UNC13C: variants seen among roughly 807,000 people sequenced by gnomAD.
UNC13C encodes unc-13 homolog C.
A neutral mutation model predicts 245.4 loss-of-function variants in UNC13C; 174 were observed. That is an observed-to-expected ratio of 0.71 (90% CI 0.63 to 0.80). The LOEUF (loss-of-function observed/expected upper bound fraction) is 0.80, where lower values mean the gene tolerates loss of function less well. Ranked by LOEUF, UNC13C falls within the 30% of genes least tolerant of loss-of-function variation. The probability of loss-of-function intolerance (pLI) is 0.00; values close to 1 mark genes in which losing one functional copy is unlikely to be tolerated. For missense variants in UNC13C, 2,829 were observed against 2,602.9 expected, an observed-to-expected ratio of 1.09 and a Z score of -1.89; for synonymous variants, 992 against 895.1, an observed-to-expected ratio of 1.11 and a Z score of -1.93.
chr15:54,036,441 C>G (rs77477085), intron 2 of UNC13C, among the ~76,000 whole-genome samples: 1,630 of 152,252 alleles, frequency 0.011, 10 homozygotes, highest in South Asian at 0.027. Context: ...TATGCATTTC[C>G]TAAAGCCATT....
At chr15:54,295,476 C>A (rs957871199) in intron 11 of UNC13C, among the ~76,000 whole-genome samples, 2 of 151,878 alleles carry the variant, frequency 1.3e-5, no homozygotes, top group African/African-American at 4.8e-5. Context: ...TAGTGAGACC[C>A]ATCTCTACCA....
chr15:54,423,694 G>C (rs1460188848), intron 19 of UNC13C, among the ~76,000 whole-genome samples: 1 of 151,740 alleles, frequency 6.6e-6, no homozygotes, highest in African/African-American at 2.4e-5. Context: ...AAATAAAGTT[G>C]GTATTGGCTG....
intron 18 of UNC13C, among the ~76,000 whole-genome samples, chr15:54,396,789 T>C (rs2040078226): frequency 6.6e-6 from 1 of 151,446 alleles, no homozygotes; most frequent in Admixed American, 6.6e-5. Flanking sequence ...ACTGACCATA[T>C]TTTTATCTGA....
chr15:54,186,517 G>A (rs936747440), intron 4 of UNC13C, among the ~76,000 whole-genome samples: 2 of 151,892 alleles, frequency 1.3e-5, no homozygotes, highest in Admixed American at 6.6e-5. Flanking sequence ...ATATACTTCA[G>A]GATTCTAAAA....
At chr15:54,167,395 G>C (rs910766098) in intron 4 of UNC13C, among the ~76,000 whole-genome samples, 17 of 150,846 alleles carry the variant, frequency 1.1e-4, no homozygotes, top group African/African-American at 3.4e-4. Flanking sequence ...CCAGCTACTC[G>C]GGAGGCTGAG....
intron 17 of UNC13C, among the ~76,000 whole-genome samples, chr15:54,339,235 C>T (rs761593140): frequency 2.6e-5 from 4 of 152,198 alleles, no homozygotes; most frequent in Admixed American, 6.5e-5. Flanking sequence ...GAGATACAAT[C>T]TCACAGCAGT....
intron 26 of UNC13C, among the ~76,000 whole-genome samples, chr15:54,540,679 A>G (rs1455841255): frequency 1.3e-5 from 2 of 152,078 alleles, no homozygotes; most frequent in Non-Finnish European, 1.5e-5. Context: ...TTCCTTCTTT[A>G]TGTTGCACTT....
chr15:54,617,999 A>G lies in UNC13C; in HGVS notation c.6107-4328A>G, dbSNP rs114127879. On this transcript the variant is annotated intron_variant, in intron 30 of 32. Coordinates refer to ENST00000260323, the MANE Select transcript of UNC13C (RefSeq NM_001080534.3). Reference sequence around the variant, plus strand: ...TTGGTTAACTTATAGGGGTCATTTGAGAAGCTGTAATGTGTTTTCTATATC... The same window carrying G: ...TTGGTTAACTTATAGGGGTCATTTGGGAAGCTGTAATGTGTTTTCTATATC... Among the ~76,000 whole-genome samples, 296 of 152,232 alleles carry G rather than the reference A, an allele frequency of 1.9e-3. 3 individuals are homozygous for G. The highest frequency in any genetic ancestry group is 6.8e-3 in the African/African-American group (283 of 41,552).
downstream of UNC13C, chr15:54,632,678 T>C (rs1039834536): frequency 6.6e-6 from 1 of 152,244 alleles, no homozygotes; most frequent in African/African-American, 2.4e-5. Context: ...CATAAATCAA[T>C]TGACCAAATG....
intron 2 of UNC13C, among the ~76,000 whole-genome samples, chr15:54,119,623 A>G (rs2030524652): frequency 6.6e-6 from 1 of 152,142 alleles, no homozygotes; most frequent in African/African-American, 2.4e-5. Context: ...TCTCACTTTA[A>G]ATTGAAAACT....
intron 6 of UNC13C, among the ~76,000 whole-genome samples, chr15:54,236,763 C>T (rs1413176747): frequency 6.6e-6 from 1 of 152,160 alleles, no homozygotes; most frequent in Non-Finnish European, 1.5e-5. Context: ...CATTCTTACT[C>T]AGGTGTATGC....
intron 14 of UNC13C, among the ~76,000 whole-genome samples, chr15:54,329,083 T>TG (rs1316948234): frequency 2.7e-4 from 6 of 22,142 alleles, no homozygotes; most frequent in East Asian, 6.9e-4. Flanking sequence ...TAAACCAAGT[T>TG]TTTTTTTTTT....
chr15:54,566,931 C>T (rs1164063091), intron 29 of UNC13C, among the ~76,000 whole-genome samples: 1 of 152,026 alleles, frequency 6.6e-6, no homozygotes, highest in Non-Finnish European at 1.5e-5. Flanking sequence ...TTTCCTCTAG[C>T]ATTGTTGGTA....
intron 10 of UNC13C, among the ~76,000 whole-genome samples, chr15:54,291,462 A>G (rs1304269406): frequency 6.6e-6 from 1 of 152,016 alleles, no homozygotes; most frequent in Admixed American, 6.6e-5. Flanking sequence ...GAAACTTTAC[A>G]GACTTTAGTG....
intron 2 of UNC13C, among the ~76,000 whole-genome samples, chr15:54,058,834 C>A: frequency 6.6e-6 from 1 of 152,082 alleles, no homozygotes; most frequent in East Asian, 1.9e-4. Flanking sequence ...CGTAATCCAG[C>A]ATATAAACAG....
chr15:54,225,614 G>C (rs2035358963), intron 4 of UNC13C, among the ~76,000 whole-genome samples: 1 of 152,122 alleles, frequency 6.6e-6, no homozygotes, highest in African/African-American at 2.4e-5. Context: ...CTGCTTGTCT[G>C]TCATTGGTGT....
intron 19 of UNC13C, among the ~76,000 whole-genome samples, chr15:54,419,034 G>A (rs1299077828): frequency 6.6e-6 from 1 of 152,120 alleles, no homozygotes; most frequent in Non-Finnish European, 1.5e-5. Flanking sequence ...GGCAAGCTCT[G>A]TATAATTAAT....
the UNC13C span, among the ~76,000 whole-genome samples, chr15:53,894,768 G>C: frequency 6.6e-6 from 1 of 152,040 alleles, no homozygotes; most frequent in Non-Finnish European, 1.5e-5. Context: ...TTATTTGACT[G>C]TAAATGAGTT....
chr15:54,455,195 CTCTCTCTCTCTATATA>C lies in UNC13C; in HGVS notation c.4934-39411_4934-39396del, dbSNP rs1474381377. Among the ~76,000 whole-genome samples, 37 of 46,698 alleles carry C rather than the reference CTCTCTCTCTCTATATA, an allele frequency of 7.9e-4. 1 individual carries two copies. The highest frequency in any genetic ancestry group is 2.2e-3 in the African/African-American group (31 of 14,036). The allele number at this position is 46,698 out of a possible 152,430, so 30.6% of individuals were successfully genotyped here. ...TCTCTCTCTCTCTCTCTCTCTCTCT[CTCTCTCTCTCTATATA>C]TATATATATATATATATATATATAT... is the stretch of plus-strand genomic sequence containing the variant. On this transcript the variant is annotated intron_variant, in intron 19 of 32. Transcript: ENST00000260323.
Sources: allele counts gnomAD v4.1 joint callset (sites outside exome capture counted in the v4.1 genomes callset), GRCh38; gene constraint gnomAD v4.1.1; transcripts MANE v1.5; gene names NCBI Gene and HGNC (gene_info 2026-07-23, HGNC 2026-07-21).